RAMP1: variants seen among roughly 807,000 people sequenced by gnomAD.
RAMP1 encodes the protein receptor activity modifying protein 1.
RAMP1 carries 7 observed loss-of-function variants against 8.2 expected under a neutral mutation model. The observed-to-expected ratio is 0.85, with a 90% CI of 0.49 to 1.60. The LOEUF (loss-of-function observed/expected upper bound fraction) is 1.60. Ranked by LOEUF, RAMP1 falls within the 40% of genes most tolerant of loss-of-function variation. The pLI, the probability that RAMP1 is intolerant of heterozygous loss-of-function variation, is 0.00. For synonymous variants in RAMP1, 92 were observed against 84.7 expected (o/e 1.09, Z -0.47); for missense variants, 192 against 202.4 (o/e 0.95, Z 0.31).
chr2:237,907,560 A>C (rs2062666380), intron 2 of RAMP1, among the ~76,000 whole-genome samples: 1 of 149,634 alleles, frequency 6.7e-6, no homozygotes. Flanking sequence ...TGACATCTTC[A>C]ATTTCTCTCT....
intron 2 of RAMP1, among the ~76,000 whole-genome samples, chr2:237,893,758 G>A (rs2062509441): frequency 6.6e-6 from 1 of 151,946 alleles, no homozygotes; most frequent in African/African-American, 2.4e-5. Flanking sequence ...GAGCAACATG[G>A]CGAAACCCTG....
intron 2 of RAMP1, among the ~76,000 whole-genome samples, chr2:237,881,418 G>C (rs2151011211): frequency 6.6e-6 from 1 of 152,368 alleles, no homozygotes; most frequent in African/African-American, 2.4e-5. Context: ...CAGCACTGGA[G>C]CTGACTCTTC....
intron 2 of RAMP1, among the ~76,000 whole-genome samples, chr2:237,883,572 T>C (rs1229885623): frequency 1.3e-5 from 2 of 151,976 alleles, no homozygotes; most frequent in Non-Finnish European, 1.5e-5. Flanking sequence ...TCCCAACACT[T>C]TGGGAGGCCA....
At chr2:237,879,938 C>T (rs1234475734) in intron 2 of RAMP1, among the ~76,000 whole-genome samples, 7 of 138,206 alleles carry the variant, frequency 5.1e-5, no homozygotes, top group Middle Eastern at 4.6e-3. Context: ...TGCCGTGAGC[C>T]GAGATGGCGC....
At chr2:237,861,586 G>A (rs1038160838) in intron 1 of RAMP1, among the ~76,000 whole-genome samples, 7 of 152,210 alleles carry the variant, frequency 4.6e-5, no homozygotes, top group African/African-American at 1.7e-4. Flanking sequence ...GGTGACTCAC[G>A]CCTGTAATCC....
At chr2:237,907,055 G>A (rs750380488) in intron 2 of RAMP1, among the ~76,000 whole-genome samples, 19 of 152,166 alleles carry the variant, frequency 1.2e-4, no homozygotes, top group Non-Finnish European at 2.5e-4. Flanking sequence ...TTTTTTTCTA[G>A]GTATAGAATT....
intron 2 of RAMP1, among the ~76,000 whole-genome samples, chr2:237,882,443 C>T (rs187177601): frequency 5.8e-4 from 88 of 152,316 alleles, no homozygotes; most frequent in Non-Finnish European, 1.1e-3. Context: ...AGCAGCCTGG[C>T]GGAGGTGGGG....
At chr2:237,902,240 G>T (rs578094087) in intron 2 of RAMP1, among the ~76,000 whole-genome samples, 1 of 151,564 alleles carries the variant, frequency 6.6e-6, no homozygotes, top group South Asian at 2.1e-4. Context: ...TGAGGATGAG[G>T]TGGGGGCCTG....
In RAMP1 at chr2:237,877,691, G is replaced by A. The variant is rs191521266; in HGVS notation, c.191+329G>A. On this transcript the variant is annotated intron_variant, in intron 2 of 2. Coordinates refer to ENST00000254661, the MANE Select transcript of RAMP1 (RefSeq NM_005855.4). The surrounding 1 kb of genome is among the most constrained non-coding windows in gnomAD (Gnocchi z 4.4). Reference sequence around the variant, plus strand: ...GAGAGTAGGGTCTCATGCCCAGGGTGGCCGGGTCTCTGACTGGAGCCTGGC... The same window carrying A: ...GAGAGTAGGGTCTCATGCCCAGGGTAGCCGGGTCTCTGACTGGAGCCTGGC... Among the ~76,000 whole-genome samples the A allele has an allele frequency of 6.6e-6, 1 of 152,150 alleles. No individual in the cohort carries two copies. Among genetic ancestry groups the A allele is most frequent in the Admixed American group, 6.5e-5 (1 of 15,282 alleles).
At chr2:237,895,443 C>A (rs1408257016) in intron 2 of RAMP1, among the ~76,000 whole-genome samples, 1 of 152,202 alleles carries the variant, frequency 6.6e-6, no homozygotes. Context: ...ACAGTGAACA[C>A]CCCACGTTGG....
At position 237,859,814 on chromosome 2, in the gene RAMP1, G is replaced by C. The variant is rs533287617; in HGVS notation, c.52+87G>C. On this transcript the variant is annotated intron_variant, in intron 1 of 2. Coordinates refer to ENST00000254661, the MANE Select transcript of RAMP1 (RefSeq NM_005855.4). Reference sequence around the variant, plus strand: ...GGAGAGGAGGGGAGCGGGTGGGAGCGGGTGGGAGCGGGTGGGGGCGGGCGC... The same window carrying C: ...GGAGAGGAGGGGAGCGGGTGGGAGCCGGTGGGAGCGGGTGGGGGCGGGCGC... 4.2e-3 allele frequency: 4,895 copies of C among 1,169,030 alleles called. 28 individuals carry two copies. The highest frequency in any genetic ancestry group is 5.1e-3 in the Non-Finnish European group (4,542 of 890,804). 72.4% of individuals were successfully genotyped at this position (1,169,030 alleles called of 1,614,324 possible).
At chr2:237,863,618 G>A (rs986309104) in intron 1 of RAMP1, among the ~76,000 whole-genome samples, 7 of 152,126 alleles carry the variant, frequency 4.6e-5, no homozygotes, top group Non-Finnish European at 1.0e-4. Context: ...GTAATTTCTG[G>A]GGCATCCGAA....
chr2:237,884,356 G>A (rs979032225), intron 2 of RAMP1, among the ~76,000 whole-genome samples: 1 of 152,136 alleles, frequency 6.6e-6, no homozygotes, highest in African/African-American at 2.4e-5. Context: ...ATTTGAGGAG[G>A]TATAGAAAAC....
chr2:237,905,426 A>G (rs2062641902), intron 2 of RAMP1, among the ~76,000 whole-genome samples: 1 of 152,222 alleles, frequency 6.6e-6, no homozygotes, highest in Admixed American at 6.5e-5. Flanking sequence ...CTGACATATC[A>G]AGGAGAGAGT....
chr2:237,866,241 C>T (rs1156579329), intron 1 of RAMP1, among the ~76,000 whole-genome samples: 2 of 152,074 alleles, frequency 1.3e-5, no homozygotes, highest in Admixed American at 6.6e-5. Flanking sequence ...TGGCCACTAC[C>T]GAGAGTGGGA....
intron 2 of RAMP1, among the ~76,000 whole-genome samples, chr2:237,893,974 T>TTTC (rs1347834794): frequency 7.0e-6 from 1 of 143,426 alleles, no homozygotes; most frequent in South Asian, 2.2e-4. Context: ...TACTTTCTTT[T>TTTC]TTTTTTTTTT....
upstream of RAMP1, chr2:237,859,610 C>G (rs1197500872): frequency 6.8e-5 from 80 of 1,179,248 alleles, no homozygotes; most frequent in South Asian, 2.5e-3. Context: ...CGGGCCCGCG[C>G]CGCGGCGGGC....
intron 2 of RAMP1, among the ~76,000 whole-genome samples, chr2:237,887,604 T>C (rs895004183): frequency 2.0e-5 from 3 of 152,252 alleles, no homozygotes; most frequent in African/African-American, 7.2e-5. Context: ...TGTGGTTCCC[T>C]ACTCCTGCTC....
At chr2:237,900,535 AT>A (rs2062586918) in intron 2 of RAMP1, among the ~76,000 whole-genome samples, 1 of 152,184 alleles carries the variant, frequency 6.6e-6, no homozygotes. Context: ...TTTTTAAAAA[AT>A]ATCTTGCTTT....
Sources: allele counts gnomAD v4.1 joint callset (sites outside exome capture counted in the v4.1 genomes callset), GRCh38; gene constraint gnomAD v4.1.1; non-coding constraint Gnocchi (gnomAD v3.1); transcripts MANE v1.5; gene names NCBI Gene and HGNC (gene_info 2026-07-23, HGNC 2026-07-21).